GAS7: variants seen among roughly 807,000 people sequenced by gnomAD.
GAS7 encodes the protein growth arrest-specific protein 7.
A neutral mutation model predicts 71.1 loss-of-function variants in GAS7; 28 were observed. That is an observed-to-expected ratio of 0.39 (90% CI 0.29 to 0.54). The LOEUF (loss-of-function observed/expected upper bound fraction) is 0.54. Among genes scored for constraint, GAS7 ranks in the 20% least tolerant of loss-of-function variants. GAS7 has a pLI of 0.62. For synonymous variants in GAS7, 258 were observed against 245.8 expected (o/e 1.05, Z -0.46); for missense variants, 436 against 627.8 (o/e 0.69, Z 3.27).
In GAS7 at chr17:9,974,832, G is replaced by A. The variant is rs970394360; in HGVS notation, c.386-5070C>T. ...GCAACAAAGAAGCGCCAGCAGCTCC[G>A]CCACCCAGGGCTCACCCCCACCCAC... On this transcript the variant is annotated intron_variant, in intron 3 of 13. Transcript: ENST00000432992. This position sits in a 1 kb window ranked among gnomAD's most constrained non-coding sequence, Gnocchi z 4.0. 2.0e-5 allele frequency among the ~76,000 whole-genome samples: 3 copies of A among 152,032 alleles called. No homozygotes were observed. The highest frequency in any genetic ancestry group is 1.9e-4 in the East Asian group (1 of 5,158).
At chr17:9,927,290 T>TACACAC (rs371084335) in intron 9 of GAS7, among the ~76,000 whole-genome samples, 12,387 of 116,756 alleles carry the variant, frequency 0.11, 796 homozygotes, top group Non-Finnish European at 0.14. Flanking sequence ...CTCTACTACA[T>TACACAC]ACACACACAC....
intron 2 of GAS7, among the ~76,000 whole-genome samples, chr17:9,990,879 T>G (rs897448210): frequency 1.3e-5 from 2 of 152,184 alleles, no homozygotes; most frequent in African/African-American, 4.8e-5. Flanking sequence ...AATCCGTTAT[T>G]AAGAGCTCTG....
At chr17:10,084,756 C>A (rs1338096287) in intron 1 of GAS7, among the ~76,000 whole-genome samples, 7 of 152,178 alleles carry the variant, frequency 4.6e-5, no homozygotes. Flanking sequence ...CGTGAGCCCC[C>A]GTGCCCGGCC....
intron 1 of GAS7, among the ~76,000 whole-genome samples, chr17:10,083,816 C>G (rs149444820): frequency 2.6e-5 from 4 of 152,112 alleles, no homozygotes; most frequent in Non-Finnish European, 2.9e-5. Flanking sequence ...AAAGACACCA[C>G]GCAGAAGTGG....
intron 1 of GAS7, among the ~76,000 whole-genome samples, chr17:10,163,093 G>C (rs1449855604): frequency 6.6e-6 from 1 of 152,144 alleles, no homozygotes; most frequent in Non-Finnish European, 1.5e-5. Context: ...CAGAAACCCT[G>C]TCTCTACAAA....
intron 1 of GAS7, among the ~76,000 whole-genome samples, chr17:10,056,799 C>T (rs1281592068): frequency 2.0e-5 from 3 of 152,110 alleles, no homozygotes; most frequent in Non-Finnish European, 4.4e-5. Context: ...TTTCCACGGT[C>T]TCCCTCTCCC....
intron 4 of GAS7, among the ~76,000 whole-genome samples, chr17:9,962,697 A>T (rs1179919753): frequency 6.6e-6 from 1 of 152,246 alleles, no homozygotes; most frequent in East Asian, 1.9e-4. Flanking sequence ...TGCTGAAAGC[A>T]GGGGATGGAA....
intron 1 of GAS7, among the ~76,000 whole-genome samples, chr17:10,197,492 A>G (rs2142161259): frequency 6.6e-6 from 1 of 152,298 alleles, no homozygotes; most frequent in South Asian, 2.1e-4. Context: ...CCTGTCACAT[A>G]GACAATAAAC....
chr17:10,136,456 G>C (rs1262805143), intron 1 of GAS7, among the ~76,000 whole-genome samples: 2 of 152,150 alleles, frequency 1.3e-5, no homozygotes. Context: ...TTCCAGACTG[G>C]GGAAGGCAGC....
intron 1 of GAS7, among the ~76,000 whole-genome samples, chr17:10,138,743 G>A (rs1370509343): frequency 6.6e-6 from 1 of 151,822 alleles, no homozygotes; most frequent in Non-Finnish European, 1.5e-5. Flanking sequence ...CTCCAGCCTG[G>A]GCGACACAGA....
chr17:9,992,730 A>C (rs1431940992), intron 2 of GAS7, among the ~76,000 whole-genome samples: 1 of 151,026 alleles, frequency 6.6e-6, no homozygotes, highest in African/African-American at 2.4e-5. Flanking sequence ...CATTAGGTAT[A>C]TCTCCCAATG....
chr17:9,951,697 C>T (rs948837318), intron 5 of GAS7, among the ~76,000 whole-genome samples: 1 of 130,114 alleles, frequency 7.7e-6, no homozygotes, highest in African/African-American at 2.8e-5. Context: ...GTGGCGGTTG[C>T]GGTGAGCCAA....
chr17:9,938,171 AT>A (rs2068467662), intron 8 of GAS7, among the ~76,000 whole-genome samples: 1 of 152,278 alleles, frequency 6.6e-6, no homozygotes, highest in African/African-American at 2.4e-5. Context: ...AAATGAGGTC[AT>A]AAGGGTGCAG....
chr17:10,186,402 CTT>C (rs71139025), intron 1 of GAS7, among the ~76,000 whole-genome samples: 119 of 128,016 alleles, frequency 9.3e-4, no homozygotes, highest in Middle Eastern at 4.1e-3. Context: ...TATTCAAAGG[CTT>C]TTTTTTTTTT....
rs192832227 is a variant in GAS7 at position 10,122,852 on chromosome 17, A to T, written c.183+75356T>A. 3.3e-4 allele frequency among the ~76,000 whole-genome samples: 50 copies of T among 152,198 alleles called. 1 individual carries two copies. Among genetic ancestry groups the T allele is most frequent in the Non-Finnish European group, 7.3e-5 (5 of 68,028 alleles). ...TATATTTTTATTTATTGATTTTGAGACAGAGTCTCACTTTGTCACCCAGGT... is the reference window on the plus strand; with the variant it reads ...TATATTTTTATTTATTGATTTTGAGTCAGAGTCTCACTTTGTCACCCAGGT... On this transcript the variant is annotated intron_variant, in intron 1 of 13. Coordinates refer to ENST00000432992, the MANE Select transcript of GAS7 (RefSeq NM_201433.2).
At chr17:10,150,591 C>CTTTTTT (rs3051271) in intron 1 of GAS7, among the ~76,000 whole-genome samples, 5,449 of 118,888 alleles carry the variant, frequency 0.046, 633 homozygotes, top group East Asian at 0.32. Context: ...TGTTACATTT[C>CTTTTTT]TTTTTTTTTT....
chr17:10,040,853 G>C (rs139582640), intron 1 of GAS7, among the ~76,000 whole-genome samples: 180 of 152,186 alleles, frequency 1.2e-3, no homozygotes, highest in Non-Finnish European at 2.1e-3. Flanking sequence ...TTGGAGATGG[G>C]CTCTCACCCA....
intron 1 of GAS7, among the ~76,000 whole-genome samples, chr17:10,040,759 A>G (rs1275577353): frequency 6.6e-6 from 1 of 152,084 alleles, no homozygotes; most frequent in African/African-American, 2.4e-5. Flanking sequence ...GTGTGGGAGG[A>G]GAGGCCGGGT....
intron 1 of GAS7, among the ~76,000 whole-genome samples, chr17:10,037,544 G>A (rs541666476): frequency 6.6e-6 from 1 of 152,262 alleles, no homozygotes; most frequent in Admixed American, 6.5e-5. Flanking sequence ...AGGTTTCAAT[G>A]CCAGCTCCTT....
Sources: allele counts gnomAD v4.1 joint callset (sites outside exome capture counted in the v4.1 genomes callset), GRCh38; gene constraint gnomAD v4.1.1; non-coding constraint Gnocchi (gnomAD v3.1); transcripts MANE v1.5; gene names NCBI Gene and HGNC (gene_info 2026-07-23, HGNC 2026-07-21).